The following UBE3D variants were observed in gnomAD, a reference collection of about 807,000 sequenced individuals.
UBE3D encodes the protein E3 ubiquitin-protein ligase E3D.
Under a neutral mutation model 49.6 loss-of-function variants are expected in UBE3D, and 48 were observed. The ratio of observed to expected loss-of-function variants is 0.97; its 90% confidence interval spans 0.77 to 1.23. The LOEUF (loss-of-function observed/expected upper bound fraction) is 1.23, where lower values mean the gene tolerates loss of function less well. UBE3D is among the 50% of genes most tolerant of loss of function. The pLI is 0.00. For missense variants in UBE3D, 452 were observed against 468.4 expected (o/e 0.96, Z 0.32); for synonymous variants, 189 against 174.2 (o/e 1.08, Z -0.67).
chr6:82,922,129 C>G (rs939313589), intron 9 of UBE3D, among the ~76,000 whole-genome samples: 3 of 80,816 alleles, frequency 3.7e-5, no homozygotes, highest in Admixed American at 2.3e-4. Context: ...ATATTCTGAA[C>G]AATTTTTTTG....
At chr6:82,989,215 C>T (rs1161871569) in intron 8 of UBE3D, among the ~76,000 whole-genome samples, 1 of 152,082 alleles carries the variant, frequency 6.6e-6, no homozygotes, top group East Asian at 1.9e-4. Flanking sequence ...GTGTTCACCT[C>T]TGATGCAGCA....
At chr6:83,026,609 GATGTGTCAAT>G (rs1229071766) in intron 5 of UBE3D, among the ~76,000 whole-genome samples, 1 of 152,078 alleles carries the variant, frequency 6.6e-6, no homozygotes, top group Non-Finnish European at 1.5e-5. Flanking sequence ...TATCATTGAA[GATGTGTCAAT>G]ATTTACTATT....
chr6:82,992,846 G>A (rs1286445695), intron 8 of UBE3D, among the ~76,000 whole-genome samples: 1 of 151,866 alleles, frequency 6.6e-6, no homozygotes, highest in African/African-American at 2.4e-5. Context: ...ACTTCTATTT[G>A]AGTCCTTTAC....
intron 7 of UBE3D, among the ~76,000 whole-genome samples, chr6:83,020,569 T>C (rs184685308): frequency 2.4e-4 from 37 of 152,298 alleles, no homozygotes; most frequent in African/African-American, 2.6e-4. Flanking sequence ...AATCTAAATA[T>C]ATGTTAGAAA....
At chr6:82,929,980 G>A (rs536717954) in intron 9 of UBE3D, among the ~76,000 whole-genome samples, 3 of 152,222 alleles carry the variant, frequency 2.0e-5, no homozygotes, top group Admixed American at 6.5e-5. Context: ...ATGATGATAT[G>A]GTTTGGCTGC....
chr6:82,894,196 C>T (rs758435488), intron 9 of UBE3D, among the ~76,000 whole-genome samples: 4 of 152,120 alleles, frequency 2.6e-5, no homozygotes, highest in Non-Finnish European at 5.9e-5. Flanking sequence ...GCCCCCACCC[C>T]CCCAACCATT....
intron 9 of UBE3D, among the ~76,000 whole-genome samples, chr6:82,944,791 T>C (rs1775282372): frequency 6.6e-6 from 1 of 152,184 alleles, no homozygotes; most frequent in Non-Finnish European, 1.5e-5. Flanking sequence ...TGAAGTGCCC[T>C]TGGGCCTCAT....
At chr6:82,959,715 TC>T (rs1240094016) in intron 8 of UBE3D, among the ~76,000 whole-genome samples, 1 of 66,138 alleles carries the variant, frequency 1.5e-5, no homozygotes, top group African/African-American at 6.3e-5. Flanking sequence ...CAGTGAGACC[TC>T]CAAAAAAAAA....
intron 9 of UBE3D, among the ~76,000 whole-genome samples, chr6:82,894,579 C>T (rs1348523757): frequency 2.6e-5 from 4 of 152,134 alleles, no homozygotes; most frequent in African/African-American, 4.8e-5. Context: ...TCTGTAGAGC[C>T]GCCAACTCCC....
chr6:82,970,838 C>G (rs1777299930), intron 8 of UBE3D, among the ~76,000 whole-genome samples: 1 of 150,924 alleles, frequency 6.6e-6, no homozygotes, highest in African/African-American at 2.4e-5. Context: ...GACTCTGTCT[C>G]AAAACAAAAA....
At chr6:83,033,724 T>A (rs1038441820) in intron 5 of UBE3D, among the ~76,000 whole-genome samples, 7 of 152,222 alleles carry the variant, frequency 4.6e-5, no homozygotes, top group African/African-American at 1.4e-4. Flanking sequence ...CTGTATAGGC[T>A]GCAGTACCAT....
chr6:83,055,442 C>G (rs1783755137), intron 2 of UBE3D, among the ~76,000 whole-genome samples: 1 of 152,132 alleles, frequency 6.6e-6, no homozygotes, highest in East Asian at 1.9e-4. Flanking sequence ...CCCTATAGCA[C>G]TAAGGTGCAA....
At chr6:83,054,029 G>T in intron 3 of UBE3D, 119 bp downstream of exon 3, 1 of 783,480 alleles carries the variant, frequency 1.3e-6, no homozygotes. Context: ...GTGACATTAA[G>T]CTGGCTCTCA....
chr6:82,987,215 C>T (rs3118921), intron 8 of UBE3D, among the ~76,000 whole-genome samples: 152,114 of 152,288 alleles, frequency 1, 75,971 homozygotes, highest in Non-Finnish European at 1. Flanking sequence ...AGTCTCACTA[C>T]GTTGCCCAGG....
intron 8 of UBE3D, among the ~76,000 whole-genome samples, chr6:83,007,613 G>A (rs1371168483): frequency 6.6e-6 from 1 of 152,154 alleles, no homozygotes; most frequent in African/African-American, 2.4e-5. Flanking sequence ...CACTTATTCT[G>A]TTTATCCTAA....
At chr6:82,924,211 AAAAG>A (rs1773576628) in intron 9 of UBE3D, among the ~76,000 whole-genome samples, 1 of 152,168 alleles carries the variant, frequency 6.6e-6, no homozygotes, top group African/African-American at 2.4e-5. Flanking sequence ...AATAAAAAGA[AAAAG>A]AAAACAAAAC....
intron 9 of UBE3D, among the ~76,000 whole-genome samples, chr6:82,929,182 TTTCTTA>T (rs59643931): frequency 0.14 from 20,669 of 151,940 alleles, 1,404 homozygotes; most frequent in South Asian, 0.16. Context: ...GAATAAGGAC[TTTCTTA>T]TTCATAGGAG....
intron 8 of UBE3D, among the ~76,000 whole-genome samples, chr6:82,999,088 G>A (rs768233949): frequency 2.0e-5 from 3 of 152,016 alleles, no homozygotes; most frequent in Non-Finnish European, 2.9e-5. Context: ...GTCCACTACC[G>A]TTATCCCTTC....
At chr6:82,885,517 AT>A in the UBE3D span, among the ~76,000 whole-genome samples, 3 of 152,048 alleles carry the variant, frequency 2.0e-5, no homozygotes, top group Non-Finnish European at 2.9e-5. Context: ...GACAAATGCT[AT>A]TTTTTTACCC....
Sources: allele counts gnomAD v4.1 joint callset (sites outside exome capture counted in the v4.1 genomes callset), GRCh38; gene constraint gnomAD v4.1.1; transcripts MANE v1.5; gene names NCBI Gene and HGNC (gene_info 2026-07-23, HGNC 2026-07-21).